The following SIAH3 variants were observed in gnomAD, a reference collection of about 807,000 sequenced individuals.
SIAH3 encodes siah E3 ubiquitin protein ligase family member 3.
SIAH3 carries 9 observed loss-of-function variants against 12.6 expected under a neutral mutation model. The ratio of observed to expected loss-of-function variants is 0.72; its 90% CI spans 0.43 to 1.25. The LOEUF is 1.25. Among genes scored for constraint, SIAH3 ranks in the 50% most tolerant of loss-of-function variants. SIAH3 has a pLI of 0.00. For synonymous variants in SIAH3, 154 were observed against 151.1 expected (o/e 1.02, Z -0.14); for missense variants, 390 against 365.4 (o/e 1.07, Z -0.55).
At chr13:45,841,830 AG>A (rs1950741227) in intron 1 of SIAH3, among the ~76,000 whole-genome samples, 1 of 152,196 alleles carries the variant, frequency 6.6e-6, no homozygotes, top group Non-Finnish European at 1.5e-5. Context: ...TGCCAGCGCT[AG>A]AGACACAAGG....
rs1412145157 is a variant in SIAH3 at position 45,795,231 on chromosome 13, C to A, written c.136-11174G>T. ...CCAGAGTGGGTACAGAAGATGTGAG[C>A]CCCATGATCCAAGAAGCTCACTCCC... On this transcript the variant is annotated intron_variant, in intron 1 of 1. Coordinates refer to ENST00000400405, the MANE Select transcript of SIAH3 (RefSeq NM_198849.3). Among the ~76,000 whole-genome samples the A allele has an allele frequency of 3.3e-5, 5 of 152,158 alleles. No homozygotes were observed. In the East Asian group the frequency reaches 9.6e-4, roughly 29 times the overall value.
chr13:45,777,287 G>C lies in SIAH3; in HGVS notation c.*6096C>G, dbSNP rs1450348064. On this transcript the variant is annotated 3_prime_UTR_variant, in exon 2 of 2. Transcript: ENST00000400405. ...TGCAATTTAATGACATTTTCTATGA[G>C]AGGGCAGAGATGAAGTAGCAGTTTG... 1 of 152,182 alleles carries C rather than the reference G, an allele frequency of 6.6e-6. No individual in the cohort carries two copies. Among genetic ancestry groups the C allele is most frequent in the Non-Finnish European group, 1.5e-5 (1 of 68,032 alleles). 9.4% of individuals were successfully genotyped at this position (152,182 alleles called of 1,614,324 possible). A position where few individuals can be genotyped will look rare whatever the true frequency, so the allele number is the denominator to read the frequency against.
chr13:45,844,101 G>A (rs1262808131), intron 1 of SIAH3, among the ~76,000 whole-genome samples: 1 of 152,214 alleles, frequency 6.6e-6, no homozygotes, highest in Non-Finnish European at 1.5e-5. Context: ...CCTTGTTATT[G>A]TCTTATGTGG....
At chr13:45,798,137 T>C (rs1276699332) in intron 1 of SIAH3, among the ~76,000 whole-genome samples, 1 of 152,252 alleles carries the variant, frequency 6.6e-6, no homozygotes, top group Non-Finnish European at 1.5e-5. Flanking sequence ...TCGCTTTAAT[T>C]AATAAATTCT....
chr13:45,845,841 A>T (rs1950757583), intron 1 of SIAH3, among the ~76,000 whole-genome samples: 1 of 152,112 alleles, frequency 6.6e-6, no homozygotes, highest in Admixed American at 6.5e-5. Context: ...AAGGATGATG[A>T]CTTAGAAGCT....
chr13:45,814,772 C>G (rs1030269535), intron 1 of SIAH3, among the ~76,000 whole-genome samples: 5 of 151,726 alleles, frequency 3.3e-5, no homozygotes, highest in African/African-American at 1.2e-4. Context: ...CTTGCCCTGG[C>G]TGGAGTGCAG....
intron 1 of SIAH3, among the ~76,000 whole-genome samples, chr13:45,820,472 C>A (rs1950651902): frequency 6.6e-6 from 1 of 152,132 alleles, no homozygotes; most frequent in Non-Finnish European, 1.5e-5. Flanking sequence ...GTCTTCCCGA[C>A]TGTTTAAGGC....
At chr13:45,789,989 A>G (rs1302695172) in intron 1 of SIAH3, among the ~76,000 whole-genome samples, 1 of 152,196 alleles carries the variant, frequency 6.6e-6, no homozygotes, top group Non-Finnish European at 1.5e-5. Context: ...AGCTGTAAAG[A>G]TTAGTTAAAA....
intron 1 of SIAH3, among the ~76,000 whole-genome samples, chr13:45,798,581 A>T (rs909220764): frequency 1.3e-5 from 2 of 152,232 alleles, no homozygotes; most frequent in African/African-American, 4.8e-5. Context: ...GACCAATCAC[A>T]TGCAGCCAAC....
At chr13:45,795,027 A>T (rs58271246) in intron 1 of SIAH3, among the ~76,000 whole-genome samples, 5,763 of 150,752 alleles carry the variant, frequency 0.038, 352 homozygotes, top group African/African-American at 0.13. Flanking sequence ...CTCCTTTTTT[A>T]AAAAAACTTA....
At chr13:45,828,474 GA>G (rs1213015677) in intron 1 of SIAH3, among the ~76,000 whole-genome samples, 2 of 152,292 alleles carry the variant, frequency 1.3e-5, no homozygotes, top group Admixed American at 1.3e-4. Flanking sequence ...TTCTCCTTTT[GA>G]AGTTGCATTT....
intron 1 of SIAH3, among the ~76,000 whole-genome samples, chr13:45,845,259 T>G (rs528444988): frequency 1.4e-3 from 128 of 90,270 alleles, no homozygotes; most frequent in African/African-American, 8.7e-3. Context: ...GTGTATGCAT[T>G]GTGCGTGTGT....
chr13:45,847,240 C>T (rs1049165149), intron 1 of SIAH3, among the ~76,000 whole-genome samples: 12 of 152,176 alleles, frequency 7.9e-5, no homozygotes, highest in African/African-American at 1.2e-4. Flanking sequence ...TAGGTATTCA[C>T]GCAGAACACT....
Position 45,785,938 on chromosome 13 carries a change from G to A in SIAH3, c.136-1881C>T, listed in dbSNP as rs901837140. ...TCCCTCAGTGTTAAGTATGGGGAAG[G>A]AAACTAACTAGTATGTAGCATCTAC... On this transcript the variant is annotated intron_variant, in intron 1 of 1. Coordinates refer to ENST00000400405, the MANE Select transcript of SIAH3 (RefSeq NM_198849.3). 5.9e-5 allele frequency among the ~76,000 whole-genome samples: 9 copies of A among 152,232 alleles called. 1 individual carries two copies. Among genetic ancestry groups the A allele is most frequent in the Admixed American group, 5.9e-4 (9 of 15,284 alleles).
rs112078778 is a variant in SIAH3 at position 45,847,622 on chromosome 13, C to CGTGTGTGTGTGTGTGTGT, written c.135+3855_135+3872dup. Among the ~76,000 whole-genome samples the CGTGTGTGTGTGTGTGTGT allele has an allele frequency of 4.4e-3, 652 of 146,936 alleles. 5 individuals are homozygous for CGTGTGTGTGTGTGTGTGT. The highest frequency in any genetic ancestry group is 0.01 in the Middle Eastern group (3 of 286). On this transcript the variant is annotated intron_variant, in intron 1 of 1. Coordinates refer to ENST00000400405, the MANE Select transcript of SIAH3 (RefSeq NM_198849.3). The stretch of plus-strand genomic sequence containing the variant: ...ATATGCCCCTCCCACTCCATGTGTT[C>CGTGTGTGTGTGTGTGTGT]GTGTGTGTGTGTGTGTGTGTGTGTG...
At position 45,783,818 on chromosome 13, in the gene SIAH3, G is replaced by A. The variant is rs1213200846; in HGVS notation, c.375C>T (p.Pro125=). The part of the protein sequence containing the change: ...QWEGRLEVVV[P]HLRQIHRVDI... ...CAACCCTATGGATCTGCCGCAGGTGGGGCACCACCACCTCCAGGCGGCCTT... is the reference window on the plus strand; with the variant it reads ...CAACCCTATGGATCTGCCGCAGGTGAGGCACCACCACCTCCAGGCGGCCTT... Residue 125 remains proline, a synonymous_variant, in exon 2 of 2, where the codon CCC becomes CCT. Transcript: ENST00000400405. The A allele has an allele frequency of 1.9e-6, 3 of 1,614,082 alleles. No homozygotes were observed. Among genetic ancestry groups the A allele is most frequent in the Non-Finnish European group, 2.5e-6 (3 of 1,180,044 alleles).
Position 45,827,422 on chromosome 13 carries a change from A to T in SIAH3, c.135+24073T>A, listed in dbSNP as rs190233067. Among the ~76,000 whole-genome samples, 25 of 152,346 alleles carry T rather than the reference A, an allele frequency of 1.6e-4. No homozygotes were observed. In the East Asian group the frequency reaches 3.1e-3, roughly 19 times the overall value. On this transcript the variant is annotated intron_variant, in intron 1 of 1. Coordinates refer to ENST00000400405, the MANE Select transcript of SIAH3 (RefSeq NM_198849.3). Reference sequence around the variant, plus strand: ...CCAGGCTGTGATTTGTAAGAAAAACAAACCTCTACTTATTCAAACCACTGT... The same window carrying T: ...CCAGGCTGTGATTTGTAAGAAAAACTAACCTCTACTTATTCAAACCACTGT...
At chr13:45,797,738 A>G (rs2137555904) in intron 1 of SIAH3, among the ~76,000 whole-genome samples, 1 of 152,312 alleles carries the variant, frequency 6.6e-6, no homozygotes, top group Non-Finnish European at 1.5e-5. Context: ...CCTCACTGTG[A>G]AGGGCAAGCA....
intron 1 of SIAH3, among the ~76,000 whole-genome samples, chr13:45,814,752 G>A (rs1471418480): frequency 1.4e-5 from 2 of 138,980 alleles, no homozygotes; most frequent in Non-Finnish European, 3.0e-5. Flanking sequence ...TTGAGACAGA[G>A]GCTCCCTCTC....
Sources: gnomAD v4.1 joint callset for allele counts (sites outside exome capture counted in the v4.1 genomes callset) on GRCh38, gnomAD v4.1.1 for gene constraint, MANE v1.5 for transcripts, NCBI Gene and HGNC (gene_info 2026-07-23, HGNC 2026-07-21) for gene names.